The following TEX51 variants were observed in gnomAD, a reference collection of about 807,000 sequenced individuals.
TEX51 encodes the protein testis expressed 51, also known as testis-expressed protein 51.
Under a neutral mutation model 8.0 loss-of-function variants are expected in TEX51, and 14 were observed. The ratio of observed to expected loss-of-function variants is 1.76; its 90% CI spans 1.16 to 2.75. The LOEUF is 2.75. Ranked by LOEUF, TEX51 falls within the 30% of genes most tolerant of loss-of-function variation. The pLI, the probability that TEX51 is intolerant of heterozygous loss-of-function variation, is 0.00. For missense variants in TEX51, 142 were observed against 77.4 expected (o/e 1.83, Z -3.13); for synonymous variants, 58 against 28.6 (o/e 2.03, Z -3.29).
chr2:126,900,109 T>C (rs2104717652), intron 4 of TEX51, 90 bp downstream of exon 4: 1 of 688,892 alleles, frequency 1.5e-6, no homozygotes, highest in Non-Finnish European at 2.7e-6. Flanking sequence ...TTTGCCCAAC[T>C]CAAGCTTTTC....
intron 1 of TEX51, 71 bp downstream of exon 1, chr2:126,899,134 A>T (rs1680179829): frequency 1.4e-6 from 1 of 701,172 alleles, no homozygotes; most frequent in Non-Finnish European, 2.6e-6. Flanking sequence ...CACAGCCAGG[A>T]GATCAGGGAT....
At chr2:126,899,123 G>A (rs892788035) in intron 1 of TEX51, 60 bp downstream of exon 1, 9 of 701,044 alleles carry the variant, frequency 1.3e-5, no homozygotes, top group Admixed American at 2.0e-5. Context: ...CCTTGGTGAG[G>A]CACAGCCAGG....
chr2:126,899,885 G>C, intron 3 of TEX51, 51 bp from the exon 4 acceptor site: 1 of 702,230 alleles, frequency 1.4e-6, no homozygotes, highest in Non-Finnish European at 2.6e-6. Flanking sequence ...GCCTGGGGGA[G>C]GGATGAAAGG....
Position 126,902,079 on chromosome 2 carries a change from A to T in TEX51, c.*210A>T, listed in dbSNP as rs1573453908. On this transcript the variant is annotated 3_prime_UTR_variant, in exon 7 of 7. Transcript: ENST00000568484. ...CCTTTGTAAAGAGTCTCTTCATTAA[A>T]ACCCCTCTTCATAGCCTAGTTGACT... 3 of 444,808 alleles carry T rather than the reference A, an allele frequency of 6.7e-6. No homozygotes were observed. The highest frequency in any genetic ancestry group is 3.6e-5 in the East Asian group (1 of 28,108). The allele number at this position is 444,808 out of a possible 1,614,324, so 27.6% of individuals were successfully genotyped here.
At chr2:126,900,301 G>A (rs1380633732) in intron 4 of TEX51, among the ~76,000 whole-genome samples, 1 of 151,776 alleles carries the variant, frequency 6.6e-6, no homozygotes, top group Non-Finnish European at 1.5e-5. Flanking sequence ...GGCTGAGGCA[G>A]GAGAGTCGCT....
chr2:126,899,154 C>T, intron 1 of TEX51, 63 bp from the exon 2 acceptor site: 1 of 702,074 alleles, frequency 1.4e-6, no homozygotes, highest in Non-Finnish European at 2.6e-6. Flanking sequence ...TTGGATGTGG[C>T]CTCTTTACCT....
chr2:126,900,137 C>G (rs1023296745), intron 4 of TEX51, 118 bp downstream of exon 4: 8 of 667,076 alleles, frequency 1.2e-5, no homozygotes, highest in African/African-American at 1.1e-4. Flanking sequence ...TTATCCTCAC[C>G]CTGGGTGAAG....
At chr2:126,900,645 C>T (rs1349203584) in intron 4 of TEX51, among the ~76,000 whole-genome samples, 1 of 152,106 alleles carries the variant, frequency 6.6e-6, no homozygotes, top group East Asian at 1.9e-4. Flanking sequence ...ATCTAACTTA[C>T]AGCAACATTT....
chr2:126,901,581 T>C (rs1680333524), intron 6 of TEX51, 177 bp downstream of exon 6: 1 of 606,018 alleles, frequency 1.7e-6, no homozygotes, highest in Non-Finnish European at 2.9e-6. Context: ...CCTCCATATA[T>C]GCAGACATAT....
At chr2:126,899,716 G>C (rs1330924865) in intron 3 of TEX51, 104 bp downstream of exon 3, 1 of 696,904 alleles carries the variant, frequency 1.4e-6, no homozygotes, top group Non-Finnish European at 2.6e-6. Context: ...ATCCCCAGGA[G>C]CCCCACCCCT....
rs1017072462 is a variant in TEX51, at chr2:126,899,220, G to A, written c.149G>A (p.Arg50His). The change falls in exon 2 of 7, where the codon CGT becomes CAT. Residue 50 changes from arginine (R) to histidine (H), a missense_variant. Arg to His is a conservative substitution (Grantham distance 29). Coordinates refer to ENST00000568484, the MANE Select transcript of TEX51 (RefSeq NM_001322244.2). ...TTGACCTGTATCTCATCCTCAGATCGTGACCATTTGGAAGAAGAAACAGCC... is the reference window on the plus strand; with the variant it reads ...TTGACCTGTATCTCATCCTCAGATCATGACCATTTGGAAGAAGAAACAGCC... ...PGPPTELSQNRDHLEEETAKF... is the reference protein window; with the variant it reads ...PGPPTELSQNHDHLEEETAKF... 27 of 702,208 alleles carry A rather than the reference G, an allele frequency of 3.8e-5. No homozygotes were observed. The highest frequency in any genetic ancestry group is 2.3e-4 in the Middle Eastern group (1 of 4,362). The allele number at this position is 702,208 out of a possible 1,614,324, so 43.5% of individuals were successfully genotyped here.
rs1015501557 is a variant in TEX51 at position 126,901,945 on chromosome 2, T to G, written c.*76T>G. The G allele has an allele frequency of 7.8e-5, 52 of 670,722 alleles. No homozygotes were observed. In the Admixed American group the frequency reaches 1.1e-3, roughly 14 times the overall value. The allele number at this position is 670,722 out of a possible 1,614,324, so 41.5% of individuals were successfully genotyped here. A position where few individuals can be genotyped will look rare whatever the true frequency, so the allele number is the denominator to read the frequency against. ...ACCACCGTCACAAAGTTCACTCATC[T>G]CTGGGTCCCGGTGACCCCATCCCCC... On this transcript the variant is annotated 3_prime_UTR_variant, in exon 7 of 7. Transcript: ENST00000568484.
rs1573452738 is a variant in TEX51, at chr2:126,901,566, A to C, written c.*2+162A>C. 9 of 610,256 alleles carry C rather than the reference A, an allele frequency of 1.5e-5. No individual in the cohort carries two copies. The East Asian group carries it at 2.5e-4, about 17-fold the overall frequency. 37.8% of individuals were successfully genotyped at this position (610,256 alleles called of 1,614,324 possible). A position where few individuals can be genotyped will look rare whatever the true frequency, so the allele number is the denominator to read the frequency against. The stretch of plus-strand genomic sequence containing the variant: ...GCCAGGACTCTCAGGAGTGCCACTC[A>C]TCAGCCTCCATATATGCAGACATAT... On this transcript the variant is annotated intron_variant, in intron 6 of 6. Coordinates refer to ENST00000568484, the MANE Select transcript of TEX51 (RefSeq NM_001322244.2).
At chr2:126,900,221 C>T (rs888275157) in intron 4 of TEX51, among the ~76,000 whole-genome samples, 3 of 152,018 alleles carry the variant, frequency 2.0e-5, no homozygotes, top group Non-Finnish European at 4.4e-5. Flanking sequence ...GCCTGTAGGA[C>T]ATCACTCATG....
Position 126,901,564 on chromosome 2 carries a change from T to A in TEX51, c.*2+160T>A, listed in dbSNP as rs887264449. ...GGGCCAGGACTCTCAGGAGTGCCAC[T>A]CATCAGCCTCCATATATGCAGACAT... On this transcript the variant is annotated intron_variant, in intron 6 of 6. Coordinates refer to ENST00000568484, the MANE Select transcript of TEX51 (RefSeq NM_001322244.2). The A allele has an allele frequency of 8.2e-6, 5 of 610,070 alleles. No homozygotes were observed. In the African/African-American group the frequency reaches 9.3e-5, roughly 11 times the overall value. The allele number at this position is 610,070 out of a possible 1,614,324, so 37.8% of individuals were successfully genotyped here.
At position 126,900,414 on chromosome 2, in the gene TEX51, A is replaced by AAAAAG. The variant is rs1269794383; in HGVS notation, c.394+405_394+409dup. 8.6e-4 allele frequency among the ~76,000 whole-genome samples: 130 copies of AAAAAG among 151,974 alleles called. 4 individuals carry two copies. In the East Asian group the frequency reaches 0.023, roughly 27 times the overall value. On this transcript the variant is annotated intron_variant, in intron 4 of 6. Transcript: ENST00000568484. ...GTTTCAAAAAAAAAAAAAAGAAAGA[A>AAAAAG]AAAAGAAAAGAAAAAGAAAAATGCC...
At chr2:126,901,726 A>G in intron 6 of TEX51, 146 bp from the exon 7 acceptor site, 2 of 571,086 alleles carry the variant, frequency 3.5e-6, no homozygotes, top group Non-Finnish European at 6.2e-6. Context: ...CCTGACCCAC[A>G]GGGACCATTA....
chr2:126,901,883 C>T lies in TEX51; in HGVS notation c.*14C>T, dbSNP rs2104731953. ...TTCTCCCTCAGCAGGAACAGGGCAG[C>T]CCGCATGTCTTCCAGAAGTGAACAG... is the stretch of plus-strand genomic sequence containing the variant. On this transcript the variant is annotated 3_prime_UTR_variant, in exon 7 of 7. Coordinates refer to ENST00000568484, the MANE Select transcript of TEX51 (RefSeq NM_001322244.2). 2 of 642,810 alleles carry T rather than the reference C, an allele frequency of 3.1e-6. No homozygotes were observed. The highest frequency in any genetic ancestry group is 5.6e-6 in the Non-Finnish European group (2 of 357,778). 39.8% of individuals were successfully genotyped at this position (642,810 alleles called of 1,614,324 possible).
At chr2:126,900,587 T>C (rs1433156062) in intron 4 of TEX51, among the ~76,000 whole-genome samples, 2 of 152,024 alleles carry the variant, frequency 1.3e-5, no homozygotes, top group East Asian at 1.9e-4. Flanking sequence ...CTTCTATGTG[T>C]TCCCATAGTT....
Sources: allele counts gnomAD v4.1 joint callset (sites outside exome capture counted in the v4.1 genomes callset), GRCh38; gene constraint gnomAD v4.1.1; transcripts MANE v1.5; gene names NCBI Gene and HGNC (gene_info 2026-07-23, HGNC 2026-07-21).